Variants in CCDC69 observed in about 807,000 individuals in gnomAD.
CCDC69 encodes the protein coiled-coil domain-containing protein 69.
CCDC69 carries 38 observed loss-of-function variants against 40.3 expected under a neutral mutation model. The ratio of observed to expected loss-of-function variants is 0.94; its 90% CI spans 0.73 to 1.24. CCDC69 has a LOEUF of 1.24. CCDC69 is among the 50% of genes most tolerant of loss of function. The pLI is 0.00. For missense variants in CCDC69, 389 were observed against 357.9 expected (o/e 1.09, Z -0.70); for synonymous variants, 141 against 138.9 (o/e 1.02, Z -0.11).
At chr5:151,186,211 TTTTGGGTTCTTCAATCTGTC>T in intron 5 of CCDC69, 87 bp from the exon 6 acceptor site, 1 of 870,082 alleles carries the variant, frequency 1.1e-6, no homozygotes, top group South Asian at 1.3e-5. Context: ...GGGAGAACGG[TTTTGGGTTCTTCAATCTGTC>T]TTTGGCTACT....
intron 2 of CCDC69, 118 bp downstream of exon 2, chr5:151,205,282 A>G: frequency 7.1e-6 from 6 of 851,034 alleles, no homozygotes; most frequent in East Asian, 2.4e-5. Context: ...CGATACTCCT[A>G]TTAAGGTAAC....
rs182107022 is a variant in CCDC69 at position 151,207,200 on chromosome 5, G to A, written c.49-1725C>T. 3.3e-4 allele frequency among the ~76,000 whole-genome samples: 51 copies of A among 152,294 alleles called. No homozygotes were observed. The East Asian group carries it at 8.3e-3, about 25-fold the overall frequency. On this transcript the variant is annotated intron_variant, in intron 1 of 8. Coordinates refer to ENST00000355417, the MANE Select transcript of CCDC69 (RefSeq NM_015621.3). ...CCCAAAGTGCTGGGATTAGAGGCCT[G>A]AGCCACTGTACCTGGCCAAATGAGT...
chr5:151,219,210 G>A (rs1753099218), intron 1 of CCDC69, among the ~76,000 whole-genome samples: 1 of 152,178 alleles, frequency 6.6e-6, no homozygotes, highest in Non-Finnish European at 1.5e-5. Flanking sequence ...AACCGAGCTA[G>A]AAGATCAGAT....
chr5:151,205,479 G>T lies in CCDC69; in HGVS notation c.49-4C>A, dbSNP rs371149445. The T allele has an allele frequency of 6.2e-7, 1 of 1,614,046 alleles. No homozygotes were observed. The highest frequency in any genetic ancestry group is 1.3e-5 in the African/African-American group (1 of 75,032). On this transcript the variant is annotated splice_polypyrimidine_tract_variant and splice_region_variant and intron_variant, in intron 1 of 8. Coordinates refer to ENST00000355417, the MANE Select transcript of CCDC69 (RefSeq NM_015621.3). ...CTGGTTCTGGTTCTTGGCGCTTCTG[G>T]AAGAAATGAGACAACAGCAAGGCGT...
chr5:151,197,525 A>G (rs1474858083), intron 4 of CCDC69, among the ~76,000 whole-genome samples: 2 of 152,102 alleles, frequency 1.3e-5, no homozygotes, highest in Non-Finnish European at 2.9e-5. Context: ...CCTGTCTCAA[A>G]CAAACAAACA....
intron 5 of CCDC69, among the ~76,000 whole-genome samples, chr5:151,186,762 A>G (rs1752525958): frequency 6.6e-6 from 1 of 152,042 alleles, no homozygotes; most frequent in Admixed American, 6.6e-5. Flanking sequence ...CGTGACCACT[A>G]CCGTTAGGCT....
chr5:151,222,048 G>T (rs747775948), intron 1 of CCDC69, among the ~76,000 whole-genome samples: 2 of 152,278 alleles, frequency 1.3e-5, no homozygotes, highest in Non-Finnish European at 2.9e-5. Context: ...AGGAGTAAAA[G>T]ATTTTACGCT....
intron 1 of CCDC69, among the ~76,000 whole-genome samples, chr5:151,220,525 C>G (rs1323566197): frequency 6.6e-6 from 1 of 152,322 alleles, no homozygotes; most frequent in Admixed American, 6.5e-5. Flanking sequence ...CAAGCCTGCA[C>G]CAGCCTCTTC....
intron 7 of CCDC69, 170 bp from the exon 8 acceptor site, chr5:151,184,611 C>T (rs1752450751): frequency 1.8e-6 from 1 of 542,976 alleles, no homozygotes; most frequent in Non-Finnish European, 3.3e-6. Context: ...AAAAAGTTAA[C>T]AAAGGGCTGC....
intron 3 of CCDC69, among the ~76,000 whole-genome samples, chr5:151,201,181 G>C (rs959569542): frequency 6.6e-6 from 1 of 152,190 alleles, no homozygotes; most frequent in East Asian, 1.9e-4. Flanking sequence ...TAGACAGAAA[G>C]ACCTTGAGGG....
At chr5:151,196,319 C>G (rs1378457566) in intron 4 of CCDC69, among the ~76,000 whole-genome samples, 1 of 152,070 alleles carries the variant, frequency 6.6e-6, no homozygotes, top group African/African-American at 2.4e-5. Context: ...CACCACCACA[C>G]CAGACTAATT....
chr5:151,221,215 A>G (rs893935346), intron 1 of CCDC69, among the ~76,000 whole-genome samples: 2 of 152,144 alleles, frequency 1.3e-5, no homozygotes, highest in African/African-American at 4.8e-5. Flanking sequence ...CTGGAGGGAC[A>G]TGAGAAGGCC....
rs763961802 is a variant in CCDC69, at chr5:151,184,365, C to A, written c.692G>T (p.Arg231Leu). The change falls in exon 8 of 9, where the codon CGC becomes CTC. Residue 231 changes from arginine (R) to leucine (L), a missense_variant. Transcript: ENST00000355417. ...QENEDLHVRS[R>L]NQVVLSRQLS... ...CTACCTTGACAGGACCACCTGGTTG[C>A]GGCTTCGGACATGGAGGTCCTCATT... 6.2e-7 allele frequency: 1 copy of A among 1,613,854 alleles called. No homozygotes were observed. The highest frequency in any genetic ancestry group is 1.1e-5 in the South Asian group (1 of 91,080).
chr5:151,184,421 C>T lies in CCDC69; in HGVS notation c.636G>A (p.Leu212=). The T allele has an allele frequency of 6.2e-7, 1 of 1,613,464 alleles. No homozygotes were observed. Among genetic ancestry groups the T allele is most frequent in the Non-Finnish European group, 8.5e-7 (1 of 1,179,384 alleles). Reference sequence around the variant, plus strand: ...GTTGCAGGGTCGTAATTTTTTCCTCCAATATCAGATTTTTCTCTTTCTATA... The same window carrying T: ...GTTGCAGGGTCGTAATTTTTTCCTCTAATATCAGATTTTTCTCTTTCTATA... ...METVKEKNLI[L]EEKITTLQQE... The change falls in exon 8 of 9, where the codon TTG becomes TTA. Residue 212 remains leucine (L), a synonymous_variant. Transcript: ENST00000355417.
chr5:151,185,133 T>C, intron 7 of CCDC69: 2 of 283,234 alleles, frequency 7.1e-6, no homozygotes, highest in Non-Finnish European at 1.4e-5. Context: ...CCCTAGGGTT[T>C]CTGAGGCTTC....
At chr5:151,197,004 T>A (rs1752709584) in intron 4 of CCDC69, among the ~76,000 whole-genome samples, 1 of 152,214 alleles carries the variant, frequency 6.6e-6, no homozygotes, top group African/African-American at 2.4e-5. Flanking sequence ...GTGGTGTGTC[T>A]GTGCAATGGC....
intron 3 of CCDC69, 36 bp from the exon 4 acceptor site, chr5:151,199,120 A>G (rs189454918): frequency 1.0e-4 from 155 of 1,537,514 alleles, no homozygotes; most frequent in Middle Eastern, 5.1e-4. Flanking sequence ...ACTGAGATTG[A>G]GCAGGATCAG....
At chr5:151,199,536 C>A (rs1017517973) in intron 3 of CCDC69, among the ~76,000 whole-genome samples, 1 of 152,116 alleles carries the variant, frequency 6.6e-6, no homozygotes, top group African/African-American at 2.4e-5. Flanking sequence ...CAACATTTCT[C>A]TTCCCCAGGC....
intron 1 of CCDC69, among the ~76,000 whole-genome samples, chr5:151,221,670 G>A (rs1753136694): frequency 6.6e-6 from 1 of 152,258 alleles, no homozygotes; most frequent in South Asian, 2.1e-4. Flanking sequence ...CGGTAAAGTG[G>A]GAAAGATTCT....
Sources: gnomAD v4.1 joint callset for allele counts (sites outside exome capture counted in the v4.1 genomes callset) on GRCh38, gnomAD v4.1.1 for gene constraint, MANE v1.5 for transcripts, NCBI Gene and HGNC (gene_info 2026-07-23, HGNC 2026-07-21) for gene names.